LMAN1: variants seen among roughly 807,000 people sequenced by gnomAD.
The protein encoded by LMAN1 is protein ERGIC-53.
A neutral mutation model predicts 67.8 loss-of-function variants in LMAN1; 32 were observed. The ratio of observed to expected loss-of-function variants is 0.47; its 90% CI spans 0.36 to 0.63. The LOEUF (loss-of-function observed/expected upper bound fraction) is 0.63, where lower values mean the gene tolerates loss of function less well. Among genes scored for constraint, LMAN1 ranks in the 30% least tolerant of loss-of-function variants. LMAN1 has a pLI of 0.00. For synonymous variants in LMAN1, 235 were observed against 219.3 expected, an observed-to-expected ratio of 1.07 and a Z score of -0.63; for missense variants, 632 against 628.2, an observed-to-expected ratio of 1.01 and a Z score of -0.06.
At chr18:59,341,978 A>T (rs1304715554) in intron 8 of LMAN1, among the ~76,000 whole-genome samples, 1 of 152,130 alleles carries the variant, frequency 6.6e-6, no homozygotes, top group African/African-American at 2.4e-5. Flanking sequence ...AAATAAACAC[A>T]ATCAGAAAAG....
chr18:59,331,477 G>A lies in LMAN1; in HGVS notation c.1437C>T (p.Val479=). The change falls in exon 12 of 13, where the codon GTC becomes GTT. Residue 479 remains valine, a synonymous_variant. Transcript: ENST00000251047. The part of the protein sequence containing the change: ...LPPFPSCLST[V]HFIIFVVVQT... The stretch of plus-strand genomic sequence containing the variant: ...GCACCACAACAAATATAATGAAGTG[G>A]ACCGTAGACAAACATGATGGAAATG... The A allele has an allele frequency of 6.2e-7, 1 of 1,610,754 alleles. No individual in the cohort carries two copies. Among genetic ancestry groups the A allele is most frequent in the Non-Finnish European group, 8.5e-7 (1 of 1,177,136 alleles).
rs761230996 is a variant in LMAN1 at position 59,345,977 on chromosome 18, T to A, written c.897A>T (p.Glu299Asp). 9 of 1,613,854 alleles carry A rather than the reference T, an allele frequency of 5.6e-6. No homozygotes were observed. Among genetic ancestry groups the A allele is most frequent in the Non-Finnish European group, 3.4e-6 (4 of 1,179,962 alleles). ...GGAATTCCTCTTTTTTTTTATCCAA[T>A]TCTTGTTGAAAGTGCTCAAATTCCT... ...YQEEFEHFQQ[E>D]LDKKKEEFQK... The change falls in exon 8 of 13, where the codon GAA becomes GAT. Residue 299 changes from glutamate to aspartate, a missense_variant. Transcript: ENST00000251047.
In LMAN1 at chr18:59,353,423, A is replaced by C. The variant is rs1387181864; in HGVS notation, c.540-122T>G. 4 of 752,340 alleles carry C rather than the reference A, an allele frequency of 5.3e-6. No homozygotes were observed. In the Admixed American group the frequency reaches 5.8e-5, roughly 11 times the overall value. The allele number at this position is 752,340 out of a possible 1,614,324, so 46.6% of individuals were successfully genotyped here. On this transcript the variant is annotated intron_variant, in intron 4 of 12. Coordinates refer to ENST00000251047, the MANE Select transcript of LMAN1 (RefSeq NM_005570.4). ...TTGAGATACTTTATGTTATTTACTC[A>C]AAAGACTACACGAGACTACATGAGA...
rs1425594533 is a variant in LMAN1, at chr18:59,330,115, T to G, written c.*978A>C. 2 of 152,626 alleles carry G rather than the reference T, an allele frequency of 1.3e-5. No homozygotes were observed. The highest frequency in any genetic ancestry group is 4.1e-4 in the South Asian group (2 of 4,834). 9.5% of individuals were successfully genotyped at this position (152,626 alleles called of 1,614,324 possible). On this transcript the variant is annotated 3_prime_UTR_variant, in exon 13 of 13. Transcript: ENST00000251047. ...TTGCCTTCAAGAATCTTAAAACTGC[T>G]TCTACTACAGCCTCCTTGATTTAAA...
chr18:59,335,807 T>C (rs1908133815), intron 10 of LMAN1, among the ~76,000 whole-genome samples: 1 of 152,214 alleles, frequency 6.6e-6, no homozygotes, highest in Non-Finnish European at 1.5e-5. Context: ...CTGGGCTGGA[T>C]ACTGTAAAGC....
At chr18:59,354,675 C>G (rs1043048277) in intron 3 of LMAN1, 95 bp from the exon 4 acceptor site, 1 of 633,870 alleles carries the variant, frequency 1.6e-6, no homozygotes, top group Admixed American at 3.0e-5. Flanking sequence ...ATCTAAGATT[C>G]TAGGACTCAA....
chr18:59,355,097 A>G (rs1026227588), intron 3 of LMAN1, among the ~76,000 whole-genome samples: 1 of 152,224 alleles, frequency 6.6e-6, no homozygotes, highest in South Asian at 2.1e-4. Context: ...TCAGGGCTCT[A>G]CTATGCCCTC....
chr18:59,355,078 T>C (rs1431343092), intron 3 of LMAN1, among the ~76,000 whole-genome samples: 1 of 152,208 alleles, frequency 6.6e-6, no homozygotes, highest in African/African-American at 2.4e-5. Flanking sequence ...CACTGCAAAG[T>C]TCTGAGAGTC....
chr18:59,352,311 C>T (rs1225170902), intron 5 of LMAN1, among the ~76,000 whole-genome samples: 2 of 152,192 alleles, frequency 1.3e-5, no homozygotes, highest in African/African-American at 4.8e-5. Flanking sequence ...TTCAGGAACT[C>T]TCCTTGACTC....
At chr18:59,356,617 A>T (rs1363436739) in intron 1 of LMAN1, among the ~76,000 whole-genome samples, 1 of 152,234 alleles carries the variant, frequency 6.6e-6, no homozygotes, top group East Asian at 1.9e-4. Context: ...GAAAGCTGAG[A>T]TACTTTAGTA....
chr18:59,338,577 C>T lies in LMAN1; in HGVS notation c.1200G>A (p.Leu400=). ...DTVVKTQHEI[L]RQVNEMKNSM... is the part of the protein sequence containing the mutation. ...CTTACTTCATTTCATTTACTTGTCT[C>T]AGAATCTCATGCTGAGTTTTCACAA... The change falls in exon 10 of 13, where the codon CTG becomes CTA. Residue 400 remains leucine, a synonymous_variant. Coordinates refer to ENST00000251047, the MANE Select transcript of LMAN1 (RefSeq NM_005570.4). 1 of 1,613,646 alleles carries T rather than the reference C, an allele frequency of 6.2e-7. No homozygotes were observed. Among genetic ancestry groups the T allele is most frequent in the Non-Finnish European group, 8.5e-7 (1 of 1,179,638 alleles).
At chr18:59,349,382 C>T (rs1277569653) in intron 5 of LMAN1, 146 bp from the exon 6 acceptor site, 29 of 733,868 alleles carry the variant, frequency 4.0e-5, no homozygotes, top group Non-Finnish European at 2.2e-6. Flanking sequence ...TGTCAATATA[C>T]AATATATTTT....
At position 59,359,043 on chromosome 18, in the gene LMAN1, C is replaced by T. The variant is rs1463045948; in HGVS notation, c.202G>A (p.Ala68Thr). 3.1e-6 allele frequency: 5 copies of T among 1,613,960 alleles called. No individual in the cohort carries two copies. Among genetic ancestry groups the T allele is most frequent in the Admixed American group, 1.7e-5 (1 of 60,028 alleles). The change falls in exon 1 of 13, where the codon GCC (alanine) becomes ACC (threonine). Residue 68 changes from alanine to threonine, a missense_variant. Physicochemically the swap from Ala to Thr is moderately conservative, Grantham distance 58. Transcript: ENST00000251047. ...VQSDGTVPFW[A>T]HAGNAIPSSD... ...TGCTCCGGCTTACTCCCCGCGTGGG[C>T]CCAGAAGGGCACGGTCCCGTCGCTC...
At chr18:59,337,580 C>G (rs1366288579) in intron 10 of LMAN1, among the ~76,000 whole-genome samples, 1 of 151,978 alleles carries the variant, frequency 6.6e-6, no homozygotes, top group Non-Finnish European at 1.5e-5. Context: ...AAAATTAGAT[C>G]GAAATAAAAA....
At chr18:59,353,804 G>A (rs1165134706) in intron 4 of LMAN1, among the ~76,000 whole-genome samples, 6 of 152,132 alleles carry the variant, frequency 3.9e-5, no homozygotes, top group Non-Finnish European at 1.5e-5. Flanking sequence ...GACCCCTGTG[G>A]ATACCAAAAT....
chr18:59,334,602 A>G lies in LMAN1; in HGVS notation c.1221-1358T>C, dbSNP rs190315666. Among the ~76,000 whole-genome samples the G allele has an allele frequency of 5.9e-5, 9 of 152,332 alleles. No homozygotes were observed. The East Asian group carries it at 1.7e-3, about 29-fold the overall frequency. Reference sequence around the variant, plus strand: ...GGGACGATGGAAGGAGAGCAAGTGAAGATAACTAAATGGAAGCAGAGGCCA... The same window carrying G: ...GGGACGATGGAAGGAGAGCAAGTGAGGATAACTAAATGGAAGCAGAGGCCA... On this transcript the variant is annotated intron_variant, in intron 10 of 12. Coordinates refer to ENST00000251047, the MANE Select transcript of LMAN1 (RefSeq NM_005570.4).
At position 59,356,864 on chromosome 18, in the gene LMAN1, G is replaced by T. The variant is rs113929534; in HGVS notation, c.215-1206C>A. Among the ~76,000 whole-genome samples the T allele has an allele frequency of 4.7e-3, 723 of 152,290 alleles. 5 individuals are homozygous for T. Among genetic ancestry groups the T allele is most frequent in the Admixed American group, 7.6e-3 (116 of 15,306 alleles). On this transcript the variant is annotated intron_variant, in intron 1 of 12. Coordinates refer to ENST00000251047, the MANE Select transcript of LMAN1 (RefSeq NM_005570.4). The stretch of plus-strand genomic sequence containing the variant: ...ATCAAATCAGAGAATGAAAGTGAAA[G>T]AACTCTGAGAGCTATAAAGGGTTAC...
At chr18:59,337,444 T>C (rs1908184399) in intron 10 of LMAN1, among the ~76,000 whole-genome samples, 1 of 152,108 alleles carries the variant, frequency 6.6e-6, no homozygotes, top group African/African-American at 2.4e-5. Context: ...ATTAATTTAG[T>C]TGATTGAATT....
At chr18:59,338,071 C>T (rs1161316616) in intron 10 of LMAN1, among the ~76,000 whole-genome samples, 1 of 152,138 alleles carries the variant, frequency 6.6e-6, no homozygotes, top group Admixed American at 6.5e-5. Context: ...CAACTCTGTC[C>T]AGTCTCTCTG....
Sources: allele counts gnomAD v4.1 joint callset (sites outside exome capture counted in the v4.1 genomes callset), GRCh38; gene constraint gnomAD v4.1.1; transcripts MANE v1.5; gene names NCBI Gene and HGNC (gene_info 2026-07-23, HGNC 2026-07-21).